MAP2K2: variants seen among roughly 807,000 people sequenced by gnomAD.
MAP2K2 encodes mitogen-activated protein kinase kinase 2.
MAP2K2 carries 24 observed loss-of-function variants against 43.7 expected under a neutral mutation model. That is an observed-to-expected ratio of 0.55 (90% CI 0.40 to 0.77). MAP2K2 has a LOEUF of 0.77. Among genes scored for constraint, MAP2K2 ranks in the 30% least tolerant of loss-of-function variants. The pLI, the probability that MAP2K2 is intolerant of heterozygous loss-of-function variation, is 0.00. For missense variants in MAP2K2, 470 were observed against 566.8 expected (o/e 0.83, Z 1.73); for synonymous variants, 244 against 239.7 (o/e 1.02, Z -0.17).
At chr19:4,092,328 G>C (rs775764137) in intron 10 of MAP2K2, among the ~76,000 whole-genome samples, 5 of 152,212 alleles carry the variant, frequency 3.3e-5, no homozygotes, top group Non-Finnish European at 7.3e-5. Flanking sequence ...GCCAGGCCCA[G>C]TGGCTCATGC....
Position 4,099,490 on chromosome 19 carries a change from C to G in MAP2K2, c.706-76G>C, listed in dbSNP as rs558396911. 10 of 1,151,938 alleles carry G rather than the reference C, an allele frequency of 8.7e-6. No individual in the cohort carries two copies. In the Admixed American group the frequency reaches 1.6e-4, roughly 18 times the overall value. The allele number at this position is 1,151,938 out of a possible 1,614,324, so 71.4% of individuals were successfully genotyped here. A position where few individuals can be genotyped will look rare whatever the true frequency, so the allele number is the denominator to read the frequency against. On this transcript the variant is annotated intron_variant, in intron 6 of 10. Coordinates refer to ENST00000262948, the MANE Select transcript of MAP2K2 (RefSeq NM_030662.4). ...GGAACCCGGGAGGCTTGCCCCGTTA[C>G]AGCCCCCGTCACCCTCTCCATGGCT... is the stretch of plus-strand genomic sequence containing the variant.
intron 2 of MAP2K2, among the ~76,000 whole-genome samples, chr19:4,113,857 G>T (rs986444372): frequency 6.6e-6 from 1 of 152,124 alleles, no homozygotes; most frequent in Non-Finnish European, 1.5e-5. Context: ...GCCGCCCCCC[G>T]GCCGCCACCC....
chr19:4,104,235 C>T (rs1388689206), intron 3 of MAP2K2, among the ~76,000 whole-genome samples: 1 of 141,008 alleles, frequency 7.1e-6, no homozygotes, highest in Admixed American at 7.1e-5. Context: ...ACTTCTCTCT[C>T]GCCTGGGCGA....
At position 4,099,432 on chromosome 19, in the gene MAP2K2, A is replaced by G. The variant is rs2040969150; in HGVS notation, c.706-18T>C. ...CGCTCCGGCTGCAGCAGAGCCAGGG[A>G]GGAAAGAGCCCAGAGGGGCGAGGAT... On this transcript the variant is annotated intron_variant, in intron 6 of 10. Coordinates refer to ENST00000262948, the MANE Select transcript of MAP2K2 (RefSeq NM_030662.4). 1.3e-6 allele frequency: 2 copies of G among 1,583,616 alleles called. No homozygotes were observed. The highest frequency in any genetic ancestry group is 1.1e-5 in the South Asian group (1 of 87,818).
intron 1 of MAP2K2, among the ~76,000 whole-genome samples, chr19:4,119,438 T>C (rs1377388501): frequency 1.3e-5 from 2 of 152,158 alleles, no homozygotes; most frequent in Non-Finnish European, 2.9e-5. Flanking sequence ...GTCAGGCTGC[T>C]CTTGAATTCC....
chr19:4,094,803 A>T, intron 9 of MAP2K2: 1 of 446,320 alleles, frequency 2.2e-6, no homozygotes, highest in Non-Finnish European at 4.1e-6. Flanking sequence ...GTCTAATAAA[A>T]CCCCAGGCCC....
chr19:4,121,055 C>T (rs924887308), intron 1 of MAP2K2, among the ~76,000 whole-genome samples: 6 of 151,332 alleles, frequency 4.0e-5, no homozygotes, highest in East Asian at 1.9e-4. Context: ...CCAAGGGCCC[C>T]GGGGATCGCC....
In MAP2K2 at chr19:4,102,442, G is replaced by A. The variant is rs374941024; in HGVS notation, c.462C>T (p.Ser154=). Reference sequence around the variant, plus strand: ...TGGCCTCTTTCAGCACCTGGTCCAGGGAGCCGCCGTCCTAGAGGGCACACA... The same window carrying A: ...TGGCCTCTTTCAGCACCTGGTCCAGAGAGCCGCCGTCCTAGAGGGCACACA... ...SICMEHMDGG[S]LDQVLKEAKR... is the part of the protein sequence containing the mutation. Residue 154 remains serine (S), a synonymous_variant, in exon 4 of 11, where the codon TCC becomes TCT. Transcript: ENST00000262948. The A allele has an allele frequency of 1.2e-6, 2 of 1,604,020 alleles. No homozygotes were observed. The highest frequency in any genetic ancestry group is 2.2e-5 in the East Asian group (1 of 44,596).
chr19:4,114,042 C>G (rs1166446303), intron 2 of MAP2K2, among the ~76,000 whole-genome samples: 2 of 152,202 alleles, frequency 1.3e-5, no homozygotes, highest in Non-Finnish European at 2.9e-5. Context: ...TCTGTAATTC[C>G]AGTGCTTTGG....
intron 1 of MAP2K2, among the ~76,000 whole-genome samples, 172 bp downstream of exon 1, chr19:4,123,612 G>GCAC (rs1568266656): frequency 2.6e-3 from 129 of 49,376 alleles, no homozygotes; most frequent in Admixed American, 0.018. Flanking sequence ...AGGGTCCCCT[G>GCAC]CCCTGTCCTC....
At chr19:4,103,146 C>T (rs1018522610) in intron 3 of MAP2K2, 3 of 991,978 alleles carry the variant, frequency 3.0e-6, no homozygotes, top group African/African-American at 1.7e-5. Flanking sequence ...GCCCAGGTGA[C>T]GGTAACCTCG....
chr19:4,095,593 T>C (rs558405455), intron 8 of MAP2K2, 144 bp from the exon 9 acceptor site: 63 of 615,252 alleles, frequency 1.0e-4, no homozygotes, highest in Admixed American at 7.7e-4. Flanking sequence ...CTGCACCCTG[T>C]CAGAGGTGGC....
At position 4,110,494 on chromosome 19, in the gene MAP2K2, C is replaced by A. The variant is rs10424545; in HGVS notation, c.450+15G>T. 13,330 of 1,612,562 alleles carry A rather than the reference C, an allele frequency of 8.3e-3. 988 individuals carry two copies. The African/African-American group carries it at 0.15, about 19-fold the overall frequency. On this transcript the variant is annotated intron_variant, in intron 3 of 10. Transcript: ENST00000262948. ...GTGGAGGCCCTGCCCCTGCCCCTGC[C>A]CCGGACGCACTCACCATGTGTTCCA...
At chr19:4,092,593 A>G (rs1053523326) in intron 10 of MAP2K2, among the ~76,000 whole-genome samples, 2 of 151,296 alleles carry the variant, frequency 1.3e-5, no homozygotes, top group African/African-American at 2.4e-5. Flanking sequence ...CGTCTGAGGG[A>G]AAAAAAAAGT....
At chr19:4,102,531 C>T (rs769157579) in intron 3 of MAP2K2, 78 bp from the exon 4 acceptor site, 18 of 1,148,876 alleles carry the variant, frequency 1.6e-5, no homozygotes, top group South Asian at 2.6e-5. Flanking sequence ...CCACTCCCGG[C>T]GAGGGGGTGG....
rs17851657 is a variant in MAP2K2 at position 4,102,451 on chromosome 19, G to A, written c.453C>T (p.Asp151=). ...TCAGCACCTGGTCCAGGGAGCCGCCGTCCTAGAGGGCACACAAGGAGTGAG... is the reference window on the plus strand; with the variant it reads ...TCAGCACCTGGTCCAGGGAGCCGCCATCCTAGAGGGCACACAAGGAGTGAG... ...GEISICMEHM[D]GGSLDQVLKE... is the part of the protein sequence containing the mutation. The change falls in exon 4 of 11, where the codon GAC becomes GAT. Residue 151 remains aspartate (D), a splice_region_variant and synonymous_variant. Coordinates refer to ENST00000262948, the MANE Select transcript of MAP2K2 (RefSeq NM_030662.4). 0.18 allele frequency: 293,088 copies of A among 1,595,462 alleles called. 29,016 individuals carry two copies. Among genetic ancestry groups the A allele is most frequent in the Middle Eastern group, 0.21 (1,297 of 6,034 alleles).
chr19:4,096,891 G>C (rs1346743185), intron 8 of MAP2K2, among the ~76,000 whole-genome samples: 4 of 152,124 alleles, frequency 2.6e-5, no homozygotes, highest in Non-Finnish European at 5.9e-5. Context: ...TTGGGAAGGA[G>C]CTGGGCTTGT....
At chr19:4,097,906 A>G (rs149162679) in intron 7 of MAP2K2, among the ~76,000 whole-genome samples, 50 of 151,996 alleles carry the variant, frequency 3.3e-4, no homozygotes, top group Non-Finnish European at 6.9e-4. Context: ...ATACCACCTG[A>G]GAGTTGGGAC....
At chr19:4,097,366 G>T in intron 7 of MAP2K2, 23 bp from the exon 8 acceptor site, 1 of 1,601,522 alleles carries the variant, frequency 6.2e-7, no homozygotes, top group Non-Finnish European at 8.6e-7. Flanking sequence ...AGAGATGGAG[G>T]TGAGATGGGC....
Sources: gnomAD v4.1 joint callset for allele counts (sites outside exome capture counted in the v4.1 genomes callset) on GRCh38, gnomAD v4.1.1 for gene constraint, MANE v1.5 for transcripts, NCBI Gene and HGNC (gene_info 2026-07-23, HGNC 2026-07-21) for gene names.